The following CNIH3 variants were observed in gnomAD, a reference collection of about 807,000 sequenced individuals.
The protein encoded by CNIH3 is cornichon family AMPA receptor auxiliary protein 3, also known as protein cornichon homolog 3.
Under a neutral mutation model 24.1 loss-of-function variants are expected in CNIH3, and 14 were observed. The observed-to-expected ratio is 0.58, with a 90% CI of 0.38 to 0.91. The LOEUF is 0.91. CNIH3 is among the 40% of genes least tolerant of loss of function. The pLI is 0.00. For synonymous variants in CNIH3, 68 were observed against 73.8 expected, an observed-to-expected ratio of 0.92 and a Z score of 0.40; for missense variants, 178 against 196.8, an observed-to-expected ratio of 0.90 and a Z score of 0.57.
At chr1:224,442,160 A>G (rs1674946160) in intron 1 of CNIH3, among the ~76,000 whole-genome samples, 1 of 151,782 alleles carries the variant, frequency 6.6e-6, no homozygotes, top group Non-Finnish European at 1.5e-5. Context: ...CTGGGACCAC[A>G]GGCATGCACT....
intron 3 of CNIH3, among the ~76,000 whole-genome samples, chr1:224,548,146 G>A (rs1283807930): frequency 6.6e-6 from 1 of 151,980 alleles, no homozygotes; most frequent in Non-Finnish European, 1.5e-5. Context: ...CACAGTGGGT[G>A]CATACCCTCG....
At chr1:224,723,035 C>T (rs1163808817) in intron 3 of CNIH3, among the ~76,000 whole-genome samples, 4 of 152,236 alleles carry the variant, frequency 2.6e-5, no homozygotes, top group East Asian at 1.9e-4. Flanking sequence ...GTACAGCTGG[C>T]GGTGAGGGCC....
chr1:224,488,049 T>C (rs1677095829), intron 1 of CNIH3, among the ~76,000 whole-genome samples: 1 of 152,046 alleles, frequency 6.6e-6, no homozygotes, highest in South Asian at 2.1e-4. Context: ...TAAATAATTA[T>C]TTTTGATGCT....
At chr1:224,620,741 C>G (rs574660792) in intron 1 of CNIH3, among the ~76,000 whole-genome samples, 19 of 152,026 alleles carry the variant, frequency 1.2e-4, no homozygotes, top group Admixed American at 1.0e-3. Context: ...GGCTCATGCT[C>G]GTAATCCCAG....
intron 3 of CNIH3, among the ~76,000 whole-genome samples, chr1:224,610,469 CTCTT>C (rs1046130963): frequency 6.6e-6 from 1 of 152,214 alleles, no homozygotes; most frequent in Non-Finnish European, 1.5e-5. Context: ...CACTCTCTCT[CTCTT>C]TCTCTCTCCT....
At chr1:224,477,527 A>G (rs1477615416) in intron 1 of CNIH3, among the ~76,000 whole-genome samples, 1 of 152,232 alleles carries the variant, frequency 6.6e-6, no homozygotes, top group Admixed American at 6.5e-5. Context: ...ACAAATGAAC[A>G]AAACCCCCAA....
At chr1:224,577,729 G>C (rs1681097375) in intron 4 of CNIH3, among the ~76,000 whole-genome samples, 1 of 152,114 alleles carries the variant, frequency 6.6e-6, no homozygotes, top group Non-Finnish European at 1.5e-5. Flanking sequence ...TCTACCCAGA[G>C]GAAAATAAGT....
At position 224,739,317 on chromosome 1, in the gene CNIH3, T is replaced by C. The variant is rs1026965301; in HGVS notation, c.456-12T>C. 171 of 1,576,490 alleles carry C rather than the reference T, an allele frequency of 1.1e-4. No homozygotes were observed. Among genetic ancestry groups the C allele is most frequent in the Non-Finnish European group, 1.4e-4 (160 of 1,167,438 alleles). ...TCTCTTTTTTTTTTTTTTTTTTTTT[T>C]TTTGCATTCAGCATGATCTACACTT... On this transcript the variant is annotated splice_polypyrimidine_tract_variant and intron_variant, in intron 5 of 5. Coordinates refer to ENST00000272133, the MANE Select transcript of CNIH3 (RefSeq NM_152495.2).
chr1:224,688,173 C>T (rs1406613038), intron 3 of CNIH3, among the ~76,000 whole-genome samples: 3 of 152,180 alleles, frequency 2.0e-5, no homozygotes, highest in Admixed American at 6.5e-5. Flanking sequence ...CTGTTTAAAG[C>T]TTATGCTTTT....
At chr1:224,494,750 G>A (rs1677367202) in intron 1 of CNIH3, among the ~76,000 whole-genome samples, 1 of 152,116 alleles carries the variant, frequency 6.6e-6, no homozygotes, top group Admixed American at 6.5e-5. Context: ...CCAGGTCAGG[G>A]CCTGGTAAAG....
rs1682464837 is a variant in CNIH3, at chr1:224,607,179, A to G, written n.402+40915A>G. 1.3e-5 allele frequency among the ~76,000 whole-genome samples: 2 copies of G among 152,214 alleles called. 1 individual carries two copies. The highest frequency in any genetic ancestry group is 4.1e-4 in the South Asian group (2 of 4,830). On this transcript the variant is annotated intron_variant and non_coding_transcript_variant, in intron 3 of 7. Coordinates refer to the CNIH3 transcript ENST00000478120. ...AGTCCCTGTGCTTCCACACAGCTGG[A>G]CTGGCCCTTGGACCTTTCCAATGGT...
chr1:224,544,886 A>G (rs1421284900), intron 2 of CNIH3, among the ~76,000 whole-genome samples: 4 of 152,196 alleles, frequency 2.6e-5, no homozygotes, highest in Admixed American at 6.5e-5. Context: ...ACTGCCTCCC[A>G]TGAGCATAAT....
intron 3 of CNIH3, among the ~76,000 whole-genome samples, chr1:224,712,205 C>A (rs1393991983): frequency 1.3e-5 from 2 of 152,180 alleles, no homozygotes; most frequent in Non-Finnish European, 2.9e-5. Context: ...GCAGTTGTTC[C>A]CAAACCTGGT....
intron 3 of CNIH3, among the ~76,000 whole-genome samples, chr1:224,560,670 T>TCTCCCATCACCCC (rs1352922064): frequency 6.6e-6 from 1 of 150,522 alleles, no homozygotes. Flanking sequence ...TCTGTCACTG[T>TCTCCCATCACCCC]CTCCCATCAC....
At chr1:224,527,545 C>G (rs549414200) in intron 2 of CNIH3, among the ~76,000 whole-genome samples, 10 of 152,266 alleles carry the variant, frequency 6.6e-5, no homozygotes, top group South Asian at 2.1e-4. Flanking sequence ...ACTTTGCTAC[C>G]AGTTACTCCA....
chr1:224,483,033 A>C (rs1024036638), intron 1 of CNIH3, among the ~76,000 whole-genome samples: 7 of 152,098 alleles, frequency 4.6e-5, no homozygotes, highest in African/African-American at 1.7e-4. Context: ...AAAATCTCAC[A>C]ATCAATGCAC....
intron 1 of CNIH3, among the ~76,000 whole-genome samples, chr1:224,501,525 ATTTT>A (rs199941125): frequency 0.015 from 1,368 of 92,786 alleles, 21 homozygotes; most frequent in African/African-American, 0.047. Flanking sequence ...ATATATATAT[ATTTT>A]TTTTTTTTAA....
intron 3 of CNIH3, among the ~76,000 whole-genome samples, chr1:224,607,118 C>T (rs1461087454): frequency 6.6e-6 from 1 of 152,220 alleles, no homozygotes; most frequent in African/African-American, 2.4e-5. Context: ...TATACAAGGG[C>T]ATGCAAAGCA....
At chr1:224,438,148 T>A (rs948558851) in intron 1 of CNIH3, among the ~76,000 whole-genome samples, 2 of 151,928 alleles carry the variant, frequency 1.3e-5, no homozygotes, top group African/African-American at 4.8e-5. Flanking sequence ...ATGGTCTCGA[T>A]CTCCTGACCT....
Sources: gnomAD v4.1 joint callset for allele counts (sites outside exome capture counted in the v4.1 genomes callset) on GRCh38, gnomAD v4.1.1 for gene constraint, MANE v1.5 for transcripts, NCBI Gene and HGNC (gene_info 2026-07-23, HGNC 2026-07-21) for gene names.